Variants in VPS16 observed in about 807,000 individuals in gnomAD.
VPS16 encodes the protein VPS16 core subunit of CORVET and HOPS complexes, also known as vacuolar protein sorting-associated protein 16 homolog.
Under a neutral mutation model 116.0 loss-of-function variants are expected in VPS16, and 82 were observed. That is an observed-to-expected ratio of 0.71 (90% confidence interval 0.59 to 0.85). VPS16 has a LOEUF of 0.85. VPS16 is among the 40% of genes least tolerant of loss of function. The pLI is 0.00. For missense variants in VPS16, 928 were observed against 1,090.6 expected (o/e 0.85, Z 2.10); for synonymous variants, 406 against 420.7 (o/e 0.96, Z 0.43).
intron 11 of VPS16, 55 bp downstream of exon 11, chr20:2,862,185 G>C (rs2089235853): frequency 6.4e-7 from 1 of 1,571,474 alleles, no homozygotes; most frequent in African/African-American, 1.3e-5. Flanking sequence ...GCCCCTGCGT[G>C]GGCATGTGTG....
Position 2,865,797 on chromosome 20 carries a change from G to A in VPS16, c.2271+302G>A. ...AAGTCTTGTCTGAGGAGGGTGGAGG[G>A]GGCACAGGGAGGGTGCATATGGGAG... On this transcript the variant is annotated intron_variant, in intron 22 of 23. Transcript: ENST00000380445. The surrounding 1 kb of genome is among the most constrained non-coding windows in gnomAD (Gnocchi z 5.2). 2 of 490,036 alleles carry A rather than the reference G, an allele frequency of 4.1e-6. No individual in the cohort carries two copies. The highest frequency in any genetic ancestry group is 2.3e-5 in the South Asian group (1 of 43,610). The allele number at this position is 490,036 out of a possible 1,614,324, so 30.4% of individuals were successfully genotyped here.
Position 2,864,547 on chromosome 20 carries a change from T to C in VPS16, c.1819T>C (p.Phe607Leu), listed in dbSNP as rs777297364. Residue 607 changes from phenylalanine (F) to leucine (L), a missense_variant and splice_region_variant, in exon 19 of 24, where the codon TTC becomes CTC. By Grantham distance (22) the Phe-to-Leu change is conservative. Transcript: ENST00000380445. This position sits in a 1 kb window ranked among gnomAD's most constrained non-coding sequence, Gnocchi z 5.2. ...QPMALSLYRQ[F>L]CKHQELETLK... ...ACTGATTGCCTGCCTGTGGCCCCAG[T>C]TCTGTAAGCATCAGGAGCTAGAGAC... 1 of 1,614,104 alleles carries C rather than the reference T, an allele frequency of 6.2e-7. No homozygotes were observed. Among genetic ancestry groups the C allele is most frequent in the South Asian group, 1.1e-5 (1 of 91,082 alleles).
Position 2,864,364 on chromosome 20 carries a change from G to C in VPS16, c.1721-1G>C, listed in dbSNP as rs1424760147. On this transcript the variant is annotated splice_acceptor_variant, in intron 17 of 23. Transcript: ENST00000380445. LOFTEE classifies it high-confidence loss of function. The surrounding 1 kb of genome is among the most constrained non-coding windows in gnomAD (Gnocchi z 5.2). Reference sequence around the variant, plus strand: ...TCCCACTCCACCTTACTCTCCTGCAGTGTTCACGGTGTTGCTGCACCTGAA... The same window carrying C: ...TCCCACTCCACCTTACTCTCCTGCACTGTTCACGGTGTTGCTGCACCTGAA... The C allele has an allele frequency of 6.2e-7, 1 of 1,614,068 alleles. No homozygotes were observed. The highest frequency in any genetic ancestry group is 8.5e-7 in the Non-Finnish European group (1 of 1,180,046).
chr20:2,862,912 G>A lies in VPS16; in HGVS notation c.1309G>A (p.Gly437Arg), dbSNP rs749706620. The change falls in exon 13 of 24, where the codon GGG becomes AGG. Residue 437 changes from glycine (G) to arginine (R), a missense_variant. Gly to Arg is a moderately radical substitution (Grantham distance 125). Coordinates refer to ENST00000380445, the MANE Select transcript of VPS16 (RefSeq NM_022575.4). ...CAATGCTGTTCGGGACTATCACATC[G>A]GGATCCCGCTCACCTATAGCCAGTA... ...VLNAVRDYHIGIPLTYSQYKQ... is the reference protein window; with the variant it reads ...VLNAVRDYHIRIPLTYSQYKQ... 1.2e-6 allele frequency: 2 copies of A among 1,614,004 alleles called. No individual in the cohort carries two copies. The highest frequency in any genetic ancestry group is 2.2e-5 in the East Asian group (1 of 44,882).
In VPS16 at chr20:2,860,990, A is replaced by G. The variant is rs1303419542; in HGVS notation, c.651A>G (p.Pro217=). 1.2e-6 allele frequency: 2 copies of G among 1,614,178 alleles called. No homozygotes were observed. The highest frequency in any genetic ancestry group is 1.7e-6 in the Non-Finnish European group (2 of 1,180,050). The change falls in exon 7 of 24, where the codon CCA becomes CCG. Residue 217 remains proline, a synonymous_variant. Coordinates refer to ENST00000380445, the MANE Select transcript of VPS16 (RefSeq NM_022575.4). This position sits in a 1 kb window ranked among gnomAD's most constrained non-coding sequence, Gnocchi z 6.1. The part of the protein sequence containing the change: ...CSAVTPPGLA[P]GVSSFLQMAV... ...CTCAGACGCCCCCTGGCCTGGCCCCAGGAGTAAGCAGCTTCCTACAGATGG... is the reference window on the plus strand; with the variant it reads ...CTCAGACGCCCCCTGGCCTGGCCCCGGGAGTAAGCAGCTTCCTACAGATGG...
intron 1 of VPS16, among the ~76,000 whole-genome samples, chr20:2,855,908 C>G (rs1429492446): frequency 1.3e-5 from 2 of 152,150 alleles, no homozygotes; most frequent in Non-Finnish European, 2.9e-5. Flanking sequence ...TTCTCCTTAC[C>G]CGCAAAAAGG....
Position 2,860,916 on chromosome 20 carries a change from G to A in VPS16, c.630+53G>A. On this transcript the variant is annotated intron_variant, in intron 6 of 23. Coordinates refer to ENST00000380445, the MANE Select transcript of VPS16 (RefSeq NM_022575.4). This position sits in a 1 kb window ranked among gnomAD's most constrained non-coding sequence, Gnocchi z 6.1. ...GACGGGCTGGGTTAGGCAATAGGGA[G>A]GTTCTGAAAAGTCAGTATGTATCTG... 1.2e-6 allele frequency: 2 copies of A among 1,614,054 alleles called. No individual in the cohort carries two copies. Among genetic ancestry groups the A allele is most frequent in the African/African-American group, 2.7e-5 (2 of 75,056 alleles).
chr20:2,857,899 C>A lies in VPS16; in HGVS notation c.54-1820C>A, dbSNP rs961005915. On this transcript the variant is annotated intron_variant, in intron 1 of 23. Coordinates refer to ENST00000380445, the MANE Select transcript of VPS16 (RefSeq NM_022575.4). ...CTAATTTTTGTATTTTTAGTAGAGACAGGGTTTCACCGTGTTGGCTAGACT... is the reference window on the plus strand; with the variant it reads ...CTAATTTTTGTATTTTTAGTAGAGAAAGGGTTTCACCGTGTTGGCTAGACT... 5.3e-5 allele frequency among the ~76,000 whole-genome samples: 8 copies of A among 151,750 alleles called. 1 individual carries two copies. The highest frequency in any genetic ancestry group is 1.9e-4 in the African/African-American group (8 of 41,252).
Position 2,861,241 on chromosome 20 carries a change from T to G in VPS16, c.770T>G (p.Phe257Cys), listed in dbSNP as rs1283288962. Residue 257 changes from phenylalanine (F) to cysteine (C), a missense_variant, in exon 8 of 24, where the codon TTC (phenylalanine) becomes TGC (cysteine). Physicochemically the swap from Phe to Cys is radical, Grantham distance 205. Coordinates refer to ENST00000380445, the MANE Select transcript of VPS16 (RefSeq NM_022575.4). ...TASLKEKLCE[F>C]NCNIRAPPKQ... ...CCATTTCAGGAGAAGCTATGTGAGT[T>G]CAACTGCAACATCCGGGCACCTCCA... The G allele has an allele frequency of 1.2e-6, 2 of 1,614,128 alleles. No homozygotes were observed. The highest frequency in any genetic ancestry group is 3.3e-5 in the Admixed American group (2 of 60,016).
chr20:2,852,983 A>G (rs574464539), intron 1 of VPS16, among the ~76,000 whole-genome samples: 4 of 152,362 alleles, frequency 2.6e-5, no homozygotes, highest in Admixed American at 2.6e-4. Flanking sequence ...GAACTTTCAA[A>G]ATTGGAGTTA....
chr20:2,863,903 T>A lies in VPS16; in HGVS notation c.1477-46T>A. The A allele has an allele frequency of 6.3e-7, 1 of 1,592,332 alleles. No homozygotes were observed. Among genetic ancestry groups the A allele is most frequent in the Non-Finnish European group, 8.6e-7 (1 of 1,166,508 alleles). On this transcript the variant is annotated intron_variant, in intron 15 of 23. Coordinates refer to ENST00000380445, the MANE Select transcript of VPS16 (RefSeq NM_022575.4). This position sits in a 1 kb window ranked among gnomAD's most constrained non-coding sequence, Gnocchi z 4.4. The stretch of plus-strand genomic sequence containing the variant: ...CCTAAGGGCTTGCAGGAGTGGAGAG[T>A]GAGGAATGGCATCCAGATGTTTGTG...
At chr20:2,842,840 C>CGATAGATAGATAGATG (rs1161430984) in intron 1 of VPS16, among the ~76,000 whole-genome samples, 1 of 147,072 alleles carries the variant, frequency 6.8e-6, no homozygotes, top group African/African-American at 2.6e-5. Context: ...ATAGATGTAT[C>CGATAGATAGATAGATG]TATCGATAGA....
intron 11 of VPS16, 51 bp from the exon 12 acceptor site, chr20:2,862,528 G>T (rs547839771): frequency 6.3e-7 from 1 of 1,592,268 alleles, no homozygotes; most frequent in South Asian, 1.1e-5. Flanking sequence ...GGGGCCAGAT[G>T]TGGGAGTGTT....
In VPS16 at chr20:2,863,500, T is replaced by C. The variant is rs894776607; in HGVS notation, c.1476+102T>C. On this transcript the variant is annotated intron_variant, in intron 15 of 23. Transcript: ENST00000380445. This position sits in a 1 kb window ranked among gnomAD's most constrained non-coding sequence, Gnocchi z 4.4. ...GAACTGCGCTGGGCACGGTGGCTCA[T>C]GCCTGTAATCCCAACACTTTGGGAG... is the stretch of plus-strand genomic sequence containing the variant. 9 of 1,196,682 alleles carry C rather than the reference T, an allele frequency of 7.5e-6. No individual in the cohort carries two copies. The highest frequency in any genetic ancestry group is 7.5e-5 in the African/African-American group (5 of 66,614). 74.1% of individuals were successfully genotyped at this position (1,196,682 alleles called of 1,614,324 possible). A position where few individuals can be genotyped will look rare whatever the true frequency, so the allele number is the denominator to read the frequency against.
Position 2,865,733 on chromosome 20 carries a change from C to A in VPS16, c.2271+238C>A, listed in dbSNP as rs941307967. On this transcript the variant is annotated intron_variant, in intron 22 of 23. Transcript: ENST00000380445. This position sits in a 1 kb window ranked among gnomAD's most constrained non-coding sequence, Gnocchi z 5.2. ...CGGGGAGAGAGAATGAGCTGCTTTC[C>A]CCAGGGAGGGCCACAGGGGGCACTA... Among the ~76,000 whole-genome samples the A allele has an allele frequency of 3.3e-5, 5 of 152,140 alleles. No homozygotes were observed. Among genetic ancestry groups the A allele is most frequent in the African/African-American group, 1.2e-4 (5 of 41,420 alleles).
chr20:2,859,571 C>G lies in VPS16; in HGVS notation c.54-148C>G, dbSNP rs974506482. 21 of 930,710 alleles carry G rather than the reference C, an allele frequency of 2.3e-5. No individual in the cohort carries two copies. The African/African-American group carries it at 3.4e-4, about 15-fold the overall frequency. 57.7% of individuals were successfully genotyped at this position (930,710 alleles called of 1,614,324 possible). A position where few individuals can be genotyped will look rare whatever the true frequency, so the allele number is the denominator to read the frequency against. On this transcript the variant is annotated intron_variant, in intron 1 of 23. Coordinates refer to ENST00000380445, the MANE Select transcript of VPS16 (RefSeq NM_022575.4). ...AGTTCACCCAACTTTCTGGTCATCA[C>G]CCTCCTCCCTCCCTCTGGGGGTAGA...
At position 2,850,965 on chromosome 20, in the gene VPS16, CAAAAAA is replaced by C. The variant is rs57731229; in HGVS notation, c.54-8741_54-8736del. On this transcript the variant is annotated intron_variant, in intron 1 of 23. Coordinates refer to ENST00000380445, the MANE Select transcript of VPS16 (RefSeq NM_022575.4). ...TAGCTGGGCGATAGAGTAAGACTGT[CAAAAAA>C]AAAAAAAAAAAAGAAAAAGAATATG... Among the ~76,000 whole-genome samples the C allele has an allele frequency of 5.1e-3, 469 of 91,458 alleles. 3 individuals carry two copies. Among genetic ancestry groups the C allele is most frequent in the African/African-American group, 9.6e-3 (272 of 28,468 alleles). The allele number at this position is 91,458 out of a possible 152,430, so 60.0% of individuals were successfully genotyped here.
intron 1 of VPS16, among the ~76,000 whole-genome samples, chr20:2,856,493 T>G (rs1357584113): frequency 8.5e-5 from 13 of 152,224 alleles, no homozygotes; most frequent in Admixed American, 8.5e-4. Flanking sequence ...AACCTTCAAT[T>G]TGTAAAAAGT....
intron 1 of VPS16, among the ~76,000 whole-genome samples, chr20:2,849,166 T>C (rs780271473): frequency 2.0e-5 from 3 of 152,220 alleles, no homozygotes; most frequent in Admixed American, 1.3e-4. Context: ...GATCTCATTG[T>C]TTCCTATCAG....
Sources: gnomAD v4.1 joint callset for allele counts (sites outside exome capture counted in the v4.1 genomes callset) on GRCh38, gnomAD v4.1.1 for gene constraint, Gnocchi (gnomAD v3.1) non-coding constraint, MANE v1.5 for transcripts, NCBI Gene and HGNC (gene_info 2026-07-23, HGNC 2026-07-21) for gene names.